Variants in RIMBP2 observed in about 807,000 individuals in gnomAD.
RIMBP2 encodes the protein RIMS binding protein 2, also known as RIMS-binding protein 2.
A neutral mutation model predicts 118.6 loss-of-function variants in RIMBP2; 48 were observed. The ratio of observed to expected loss-of-function variants is 0.40; its 90% CI spans 0.32 to 0.51. The LOEUF is 0.51. Among genes scored for constraint, RIMBP2 ranks in the 20% least tolerant of loss-of-function variants. RIMBP2 has a pLI of 0.41. For synonymous variants in RIMBP2, 762 were observed against 742.9 expected (o/e 1.03, Z -0.42); for missense variants, 1,551 against 1,768.3 (o/e 0.88, Z 2.20).
rs1189002453 is a variant in RIMBP2, at chr12:130,620,154, C to T, written c.-217+8168G>A. ...TGCTTTGGAAGTGGTCTGCTGAGGG[C>T]AGTCATGGTGCCTCACCCTCTCCAG... is the stretch of plus-strand genomic sequence containing the variant. On this transcript the variant is annotated intron_variant, in intron 2 of 22. Transcript: ENST00000690449. This position sits in a 1 kb window ranked among gnomAD's most constrained non-coding sequence, Gnocchi z 5.3. 2.0e-5 allele frequency among the ~76,000 whole-genome samples: 3 copies of T among 152,308 alleles called. No homozygotes were observed. In the East Asian group the frequency reaches 5.8e-4, roughly 29 times the overall value.
In RIMBP2 at chr12:130,463,503, C is replaced by A. The variant is rs538963198; in HGVS notation, c.154-6803G>T. Among the ~76,000 whole-genome samples, 18 of 152,328 alleles carry A rather than the reference C, an allele frequency of 1.2e-4. 1 individual carries two copies. The South Asian group carries it at 3.5e-3, about 30-fold the overall frequency. ...ATCCAAAGACACCCCCACAGCTCCC[C>A]CAGCTCCTGGCTCAGTGCCCTCCTC... is the stretch of plus-strand genomic sequence containing the variant. On this transcript the variant is annotated intron_variant, in intron 6 of 22. Transcript: ENST00000690449.
Position 130,450,397 on chromosome 12 carries a change from T to C in RIMBP2, c.505-121A>G, listed in dbSNP as rs2078900818. 2 of 723,242 alleles carry C rather than the reference T, an allele frequency of 2.8e-6. No homozygotes were observed. Among genetic ancestry groups the C allele is most frequent in the Non-Finnish European group, 4.9e-6 (2 of 406,532 alleles). 44.8% of individuals were successfully genotyped at this position (723,242 alleles called of 1,614,324 possible). A position where few individuals can be genotyped will look rare whatever the true frequency, so the allele number is the denominator to read the frequency against. The stretch of plus-strand genomic sequence containing the variant: ...CCCCAGGAGGGACGGCCTGAGACTG[T>C]GGCACTCCCAGGAGGCACTGCCACC... On this transcript the variant is annotated intron_variant, in intron 8 of 22. Transcript: ENST00000690449. The surrounding 1 kb of genome is among the most constrained non-coding windows in gnomAD (Gnocchi z 4.8).
Position 130,470,705 on chromosome 12 carries a change from C to T in RIMBP2, c.141G>A (p.Val47=), listed in dbSNP as rs935501722. 1.9e-5 allele frequency: 23 copies of T among 1,231,954 alleles called. No individual in the cohort carries two copies. Among genetic ancestry groups the T allele is most frequent in the Non-Finnish European group, 2.2e-5 (22 of 987,988 alleles). The allele number at this position is 1,231,954 out of a possible 1,614,324, so 76.3% of individuals were successfully genotyped here. ...VEAKKEHEGA[V]RLLESKVREL... is the part of the protein sequence containing the mutation. Reference sequence around the variant, plus strand: ...GCACGCTCCTTACCTCTAGCAGCCGCACTGCGCCTTCATGCTCCTTCTTAG... The same window carrying T: ...GCACGCTCCTTACCTCTAGCAGCCGTACTGCGCCTTCATGCTCCTTCTTAG... Residue 47 remains valine (V), a synonymous_variant, in exon 6 of 23, where the codon GTG becomes GTA. Transcript: ENST00000690449.
At chr12:130,535,390 C>T (rs2053900443) in intron 2 of RIMBP2, among the ~76,000 whole-genome samples, 1 of 151,948 alleles carries the variant, frequency 6.6e-6, no homozygotes, top group East Asian at 1.9e-4. Context: ...TGGCACACAT[C>T]TGCAGTCCCA....
At chr12:130,573,370 T>G (rs1429302734) in intron 2 of RIMBP2, among the ~76,000 whole-genome samples, 1 of 149,688 alleles carries the variant, frequency 6.7e-6, no homozygotes, top group East Asian at 2.0e-4. Context: ...TATGATACTT[T>G]TAAAGACAGA....
intron 1 of RIMBP2, among the ~76,000 whole-genome samples, chr12:130,661,128 C>T (rs1437393243): frequency 2.6e-5 from 4 of 152,176 alleles, no homozygotes; most frequent in Non-Finnish European, 5.9e-5. Flanking sequence ...TGGACAGCTG[C>T]CATTCGCAGT....
In RIMBP2 at chr12:130,688,763, C is replaced by A. The variant is rs2065180597; in HGVS notation, c.-352+27459G>T. Among the ~76,000 whole-genome samples, 1 of 152,212 alleles carries A rather than the reference C, an allele frequency of 6.6e-6. No individual in the cohort carries two copies. The highest frequency in any genetic ancestry group is 1.5e-5 in the Non-Finnish European group (1 of 68,042). On this transcript the variant is annotated intron_variant, in intron 1 of 22. Transcript: ENST00000690449. The surrounding 1 kb of genome is among the most constrained non-coding windows in gnomAD (Gnocchi z 4.7). ...CCCCCTTGGGGCTCATACAGAGACACAGAACCACCTCCACCACCACTGTCT... is the reference window on the plus strand; with the variant it reads ...CCCCCTTGGGGCTCATACAGAGACAAAGAACCACCTCCACCACCACTGTCT...
At chr12:130,484,571 T>C (rs2082323432) in intron 4 of RIMBP2, among the ~76,000 whole-genome samples, 1 of 152,230 alleles carries the variant, frequency 6.6e-6, no homozygotes, top group Non-Finnish European at 1.5e-5. Flanking sequence ...TGCCCCACTG[T>C]GTCCCTGTCC....
At chr12:130,590,805 C>T (rs574383159) in intron 2 of RIMBP2, among the ~76,000 whole-genome samples, 54 of 152,326 alleles carry the variant, frequency 3.5e-4, no homozygotes, top group Non-Finnish European at 6.2e-4. Flanking sequence ...ATGGCAAGGA[C>T]TCCACCTTCC....
chr12:130,499,829 C>T (rs2049567358), intron 4 of RIMBP2, among the ~76,000 whole-genome samples: 1 of 152,224 alleles, frequency 6.6e-6, no homozygotes, highest in African/African-American at 2.4e-5. Context: ...CTACCAGAAC[C>T]AAGGGCATGG....
chr12:130,597,562 A>G (rs1332167391), intron 2 of RIMBP2, among the ~76,000 whole-genome samples: 2 of 152,186 alleles, frequency 1.3e-5, no homozygotes, highest in Admixed American at 1.3e-4. Context: ...TCTTAACCAA[A>G]TAGAGTTTAT....
rs199959330 is a variant in RIMBP2 at position 130,646,202 on chromosome 12, T to G, written c.-351-17746A>C. The stretch of plus-strand genomic sequence containing the variant: ...CTCCACCTCCCTCACCACTTCCCTC[T>G]CCACCTCCCTCTCCACCTCCCTCAC... On this transcript the variant is annotated intron_variant, in intron 1 of 22. Transcript: ENST00000690449. Among the ~76,000 whole-genome samples, 34 of 18,224 alleles carry G rather than the reference T, an allele frequency of 1.9e-3. 2 individuals are homozygous for G. Among genetic ancestry groups the G allele is most frequent in the Middle Eastern group, 0.033 (1 of 30 alleles). 12.0% of individuals were successfully genotyped at this position (18,224 alleles called of 152,430 possible).
At chr12:130,679,840 AC>A (rs2064684086) in intron 1 of RIMBP2, among the ~76,000 whole-genome samples, 2 of 152,246 alleles carry the variant, frequency 1.3e-5, no homozygotes, top group Non-Finnish European at 2.9e-5. Context: ...CGCGGGAAGG[AC>A]CTGTGACTGT....
intron 1 of RIMBP2, among the ~76,000 whole-genome samples, chr12:130,706,849 A>G (rs2066145972): frequency 6.6e-6 from 1 of 152,218 alleles, no homozygotes; most frequent in South Asian, 2.1e-4. Flanking sequence ...GGCAGCCGCC[A>G]GTGGTCCCAA....
intron 4 of RIMBP2, among the ~76,000 whole-genome samples, chr12:130,484,937 T>C (rs1001567484): frequency 6.6e-6 from 1 of 152,266 alleles, no homozygotes; most frequent in Non-Finnish European, 1.5e-5. Flanking sequence ...AATTGGTTAG[T>C]GATTAGTGAA....
chr12:130,528,502 TG>T (rs1303938344), intron 2 of RIMBP2, among the ~76,000 whole-genome samples: 2 of 152,180 alleles, frequency 1.3e-5, no homozygotes, highest in Non-Finnish European at 2.9e-5. Flanking sequence ...TAATGCATGC[TG>T]GGCTTAATAC....
intron 1 of RIMBP2, among the ~76,000 whole-genome samples, chr12:130,650,652 A>G (rs1219210267): frequency 1.3e-5 from 2 of 152,204 alleles, no homozygotes; most frequent in Non-Finnish European, 1.5e-5. Context: ...AAATACAAAT[A>G]CTGACCTCAG....
chr12:130,514,509 C>A (rs541512876), intron 3 of RIMBP2, among the ~76,000 whole-genome samples: 1 of 152,168 alleles, frequency 6.6e-6, no homozygotes, highest in Non-Finnish European at 1.5e-5. Flanking sequence ...GCTCCAGCAC[C>A]CCCATCCCCC....
Position 130,447,482 on chromosome 12 carries a change from C to T in RIMBP2, c.582-2213G>A, listed in dbSNP as rs980102068. On this transcript the variant is annotated intron_variant, in intron 9 of 22. Transcript: ENST00000690449. This position sits in a 1 kb window ranked among gnomAD's most constrained non-coding sequence, Gnocchi z 4.4. Reference sequence around the variant, plus strand: ...GTCAGGGGTCACGCAGCGCTGGAGGCGGGGGAGGAGGGACAGGTGATCACT... The same window carrying T: ...GTCAGGGGTCACGCAGCGCTGGAGGTGGGGGAGGAGGGACAGGTGATCACT... 2.0e-5 allele frequency among the ~76,000 whole-genome samples: 3 copies of T among 150,658 alleles called. No homozygotes were observed. The highest frequency in any genetic ancestry group is 7.3e-5 in the African/African-American group (3 of 40,850).
Sources: allele counts gnomAD v4.1 joint callset (sites outside exome capture counted in the v4.1 genomes callset), GRCh38; gene constraint gnomAD v4.1.1; non-coding constraint Gnocchi (gnomAD v3.1); transcripts MANE v1.5; gene names NCBI Gene and HGNC (gene_info 2026-07-23, HGNC 2026-07-21).